Variants in FTO observed in about 807,000 individuals in gnomAD.
FTO encodes alpha-ketoglutarate-dependent dioxygenase FTO.
Under a neutral mutation model 63.9 loss-of-function variants are expected in FTO, and 47 were observed. The observed-to-expected ratio is 0.74, with a 90% CI of 0.58 to 0.94. The LOEUF is 0.94. Ranked by LOEUF, FTO falls within the 40% of genes least tolerant of loss-of-function variation. FTO has a pLI of 0.00. For synonymous variants in FTO, 207 were observed against 224.4 expected, an observed-to-expected ratio of 0.92 and a Z score of 0.69; for missense variants, 562 against 618.1, an observed-to-expected ratio of 0.91 and a Z score of 0.96.
chr16:54,047,074 C>T (rs1362494620), intron 8 of FTO, among the ~76,000 whole-genome samples: 3 of 144,656 alleles, frequency 2.1e-5, no homozygotes, highest in Non-Finnish European at 3.0e-5. Flanking sequence ...GTCCAAAACA[C>T]CAAAAGCAAT....
chr16:53,858,666 T>C (rs1332204444), intron 4 of FTO, among the ~76,000 whole-genome samples: 1 of 152,124 alleles, frequency 6.6e-6, no homozygotes, highest in East Asian at 1.9e-4. Flanking sequence ...TTTTCTTTTT[T>C]TTTCCTTTTT....
rs545425997 is a variant in FTO at position 53,985,335 on chromosome 16, C to T, written c.1364+51226C>T. 4.5e-4 allele frequency among the ~76,000 whole-genome samples: 69 copies of T among 152,258 alleles called. No individual in the cohort carries two copies. The South Asian group carries it at 0.013, about 29-fold the overall frequency. ...TTCAACCTGAGACTAGCTGTGGTGG[C>T]GAAGATTCTCTGAGTATGTTTCTCA... On this transcript the variant is annotated intron_variant, in intron 8 of 8. Coordinates refer to ENST00000471389, the MANE Select transcript of FTO (RefSeq NM_001080432.3).
At chr16:53,847,710 A>G (rs1012553742) in intron 4 of FTO, among the ~76,000 whole-genome samples, 5 of 151,782 alleles carry the variant, frequency 3.3e-5, no homozygotes, top group Non-Finnish European at 7.4e-5. Flanking sequence ...AGAGGTTGCA[A>G]TGAGCCGAGA....
intron 8 of FTO, among the ~76,000 whole-genome samples, chr16:54,024,860 G>T (rs1183373262): frequency 6.6e-6 from 1 of 152,112 alleles, no homozygotes; most frequent in Non-Finnish European, 1.5e-5. Context: ...TATTTAAGCT[G>T]CAGTTTTTAG....
intron 1 of FTO, among the ~76,000 whole-genome samples, chr16:53,708,730 T>C (rs1405670271): frequency 6.6e-6 from 1 of 152,218 alleles, no homozygotes. Context: ...GGGTGTGAAG[T>C]AGTATCTCAT....
chr16:53,762,619 G>C (rs1331972736), intron 1 of FTO, among the ~76,000 whole-genome samples: 2 of 152,066 alleles, frequency 1.3e-5, no homozygotes, highest in South Asian at 4.1e-4. Context: ...CTTTTGGGTT[G>C]AACCTGATGC....
At chr16:53,874,495 A>G (rs1464056601) in intron 5 of FTO, among the ~76,000 whole-genome samples, 11 of 152,176 alleles carry the variant, frequency 7.2e-5, no homozygotes, top group Admixed American at 4.6e-4. Flanking sequence ...CTCAGTTAAG[A>G]GGGGTTCCAG....
chr16:53,880,937 T>TAA (rs34062544), intron 6 of FTO, among the ~76,000 whole-genome samples: 2,610 of 67,620 alleles, frequency 0.039, 199 homozygotes, highest in African/African-American at 0.082. Context: ...CCGTCTCTAC[T>TAA]AAAAAAAAAA....
At chr16:54,074,432 A>G (rs1414345003) in intron 8 of FTO, among the ~76,000 whole-genome samples, 1 of 152,194 alleles carries the variant, frequency 6.6e-6, no homozygotes, top group Non-Finnish European at 1.5e-5. Flanking sequence ...GTCTGTTTTT[A>G]ATGCATATAT....
At chr16:53,928,016 A>G (rs1259229936) in intron 7 of FTO, among the ~76,000 whole-genome samples, 2 of 152,236 alleles carry the variant, frequency 1.3e-5, no homozygotes, top group Admixed American at 6.5e-5. Flanking sequence ...AATAATAATC[A>G]TGATGGCATA....
At position 53,893,905 on chromosome 16, in the gene FTO, C is replaced by T. The variant is rs532965971; in HGVS notation, c.1239+4954C>T. 7.2e-5 allele frequency among the ~76,000 whole-genome samples: 11 copies of T among 152,214 alleles called. No homozygotes were observed. The East Asian group carries it at 2.1e-3, about 29-fold the overall frequency. On this transcript the variant is annotated intron_variant, in intron 7 of 8. Transcript: ENST00000471389. ...GCAATGCATTTATATGGCAGTTGGC[C>T]TTAATAACCTTTATTGACTTTAGTG...
At chr16:54,109,431 A>G (rs1278859673) in intron 8 of FTO, among the ~76,000 whole-genome samples, 4 of 152,140 alleles carry the variant, frequency 2.6e-5, no homozygotes, top group Non-Finnish European at 5.9e-5. Context: ...CCTGGGTCCA[A>G]GTGATTCTCG....
intron 4 of FTO, among the ~76,000 whole-genome samples, chr16:53,868,260 CCT>C (rs1206261162): frequency 4.0e-5 from 6 of 151,760 alleles, no homozygotes; most frequent in South Asian, 2.1e-4. Flanking sequence ...TGTTTTTTCC[CCT>C]GTTTTTGTCT....
At chr16:53,947,520 ACTTGGTAATTTCTAT>A (rs2082678502) in intron 8 of FTO, among the ~76,000 whole-genome samples, 1 of 151,672 alleles carries the variant, frequency 6.6e-6, no homozygotes, top group South Asian at 2.1e-4. Context: ...CTGGTCTCCT[ACTTGGTAATTTCTAT>A]CTTGCAAAAG....
At chr16:53,760,257 TG>T (rs1395223687) in intron 1 of FTO, among the ~76,000 whole-genome samples, 3 of 78,872 alleles carry the variant, frequency 3.8e-5, no homozygotes, top group East Asian at 4.1e-4. Flanking sequence ...TGTGTGTGTG[TG>T]TGTTTTTTGG....
At chr16:53,790,579 C>CAAAAAAAAAAAAAAAAAAAAAAGA (rs34860208) in intron 1 of FTO, among the ~76,000 whole-genome samples, 5 of 55,214 alleles carry the variant, frequency 9.1e-5, no homozygotes, top group Non-Finnish European at 1.3e-4. Flanking sequence ...CAAAATAAAG[C>CAAAAAAAAAAAAAAAAAAAAAAGA]AAAAAAAAAA....
At chr16:54,073,736 T>C (rs565654819) in intron 8 of FTO, among the ~76,000 whole-genome samples, 1 of 152,182 alleles carries the variant, frequency 6.6e-6, no homozygotes, top group East Asian at 1.9e-4. Context: ...GCATGTGCAT[T>C]GCACCCAGCC....
intron 4 of FTO, among the ~76,000 whole-genome samples, chr16:53,872,758 C>A (rs1244195929): frequency 6.6e-6 from 1 of 152,138 alleles, no homozygotes; most frequent in Non-Finnish European, 1.5e-5. Context: ...GGCCTGGTGG[C>A]ATTTGCCTCT....
At chr16:53,927,985 G>T (rs948691885) in intron 7 of FTO, among the ~76,000 whole-genome samples, 29 of 152,152 alleles carry the variant, frequency 1.9e-4, no homozygotes, top group African/African-American at 7.0e-4. Flanking sequence ...TAGATTGGCA[G>T]AGTTTAAGAT....
Sources: gnomAD v4.1 joint callset for allele counts (sites outside exome capture counted in the v4.1 genomes callset) on GRCh38, gnomAD v4.1.1 for gene constraint, MANE v1.5 for transcripts, NCBI Gene and HGNC (gene_info 2026-07-23, HGNC 2026-07-21) for gene names.